The following CLIP4 variants were observed in gnomAD, a reference collection of about 807,000 sequenced individuals.
CLIP4 encodes CAP-Gly domain containing linker protein family member 4, also known as CAP-Gly domain-containing linker protein 4.
CLIP4 carries 47 observed loss-of-function variants against 73.1 expected under a neutral mutation model. The ratio of observed to expected loss-of-function variants is 0.64; its 90% CI spans 0.51 to 0.82. CLIP4 has a LOEUF of 0.82. CLIP4 is among the 40% of genes least tolerant of loss of function. CLIP4 has a pLI of 0.00. For synonymous variants in CLIP4, 306 were observed against 295.4 expected, an observed-to-expected ratio of 1.04 and a Z score of -0.37; for missense variants, 874 against 852.9, an observed-to-expected ratio of 1.02 and a Z score of -0.31.
chr2:29,175,087 T>C (rs1338760996), intron 15 of CLIP4, among the ~76,000 whole-genome samples: 1 of 152,136 alleles, frequency 6.6e-6, no homozygotes, highest in East Asian at 1.9e-4. Context: ...GCTTAGCTGC[T>C]TAGGGAAGTA....
intron 1 of CLIP4, chr2:29,118,278 C>T (rs1664008473): frequency 6.6e-6 from 1 of 152,178 alleles, no homozygotes; most frequent in Non-Finnish European, 1.5e-5. Context: ...CCTGAACCAG[C>T]CTGAAGATGC....
intron 6 of CLIP4, among the ~76,000 whole-genome samples, chr2:29,142,100 G>T (rs1483968106): frequency 3.3e-5 from 5 of 152,114 alleles, no homozygotes; most frequent in Admixed American, 6.5e-5. Flanking sequence ...GAAGAACATA[G>T]ACTATGTGCT....
chr2:29,121,638 A>G (rs1320623113), intron 2 of CLIP4, 117 bp downstream of exon 2: 3 of 1,207,392 alleles, frequency 2.5e-6, no homozygotes, highest in East Asian at 2.5e-5. Context: ...TAAAATTGCT[A>G]AAGTTTTCCT....
chr2:29,172,904 C>T (rs925410353), intron 14 of CLIP4, among the ~76,000 whole-genome samples: 1 of 151,988 alleles, frequency 6.6e-6, no homozygotes. Context: ...AATCTGCTTG[C>T]AAGTTACCAT....
At chr2:29,122,885 C>CTCTTATG (rs1048671691) in intron 2 of CLIP4, among the ~76,000 whole-genome samples, 3 of 146,018 alleles carry the variant, frequency 2.1e-5, no homozygotes, top group African/African-American at 7.6e-5. Context: ...TTTTTGTAGA[C>CTCTTATG]TCTTATGAAC....
rs1217083821 is a variant in CLIP4 at position 29,174,379 on chromosome 2, G to A, written c.1730G>A (p.Arg577Lys). Reference protein sequence around the residue: ...NKQNHSYPGFRRSFSTTSASS... With the variant: ...NKQNHSYPGFKRSFSTTSASS... ...CCCCAACTTTCATATTTAGGTTTTA[G>A]GAGAAGTTTTAGCACAACTTCTGCT... Residue 577 changes from arginine to lysine, a missense_variant, in exon 15 of 16, where the codon AGG becomes AAG. Physicochemically the swap from Arg to Lys is conservative, Grantham distance 26 (BLOSUM62 2). Transcript: ENST00000320081. The A allele has an allele frequency of 6.2e-7, 1 of 1,610,348 alleles. No individual in the cohort carries two copies. Among genetic ancestry groups the A allele is most frequent in the East Asian group, 2.2e-5 (1 of 44,696 alleles).
chr2:29,159,566 G>C (rs1667150897), intron 11 of CLIP4, among the ~76,000 whole-genome samples: 1 of 151,706 alleles, frequency 6.6e-6, no homozygotes, highest in Non-Finnish European at 1.5e-5. Flanking sequence ...ACTACTTTTG[G>C]CTGGTCACAG....
At chr2:29,107,363 T>TTTTG in intron 1 of CLIP4, among the ~76,000 whole-genome samples, 1 of 79,396 alleles carries the variant, frequency 1.3e-5, no homozygotes, top group East Asian at 3.5e-4. Context: ...TGATAGTTTT[T>TTTTG]TTTTTTTTTT....
chr2:29,122,523 TTTTG>T (rs796680958), intron 2 of CLIP4, among the ~76,000 whole-genome samples: 9 of 152,314 alleles, frequency 5.9e-5, no homozygotes, highest in African/African-American at 1.7e-4. Context: ...ATCATTTTAT[TTTTG>T]TTTATCTCAA....
chr2:29,122,903 C>T (rs1004992157), intron 2 of CLIP4, among the ~76,000 whole-genome samples: 4 of 151,740 alleles, frequency 2.6e-5, no homozygotes, highest in South Asian at 4.2e-4. Context: ...AACCTTTCCC[C>T]ACTCACCTCC....
chr2:29,113,566 G>A (rs1228328883), upstream of CLIP4, among the ~76,000 whole-genome samples: 2 of 152,212 alleles, frequency 1.3e-5, no homozygotes, highest in Admixed American at 1.3e-4. This position sits in a 1 kb window ranked among gnomAD's most constrained non-coding sequence, Gnocchi z 4.0. Context: ...AAGTGAGTGG[G>A]AGACTCTGGT....
chr2:29,161,780 T>C (rs1667308332), intron 12 of CLIP4, among the ~76,000 whole-genome samples: 2 of 152,174 alleles, frequency 1.3e-5, no homozygotes, highest in Admixed American at 6.5e-5. Flanking sequence ...CCATTTGCTC[T>C]GGTGGGAGAT....
In CLIP4 at chr2:29,160,463, T is replaced by C. The variant is rs111516293; in HGVS notation, c.1530T>C (p.Ala510=). The C allele has an allele frequency of 1.9e-6, 3 of 1,614,000 alleles. No homozygotes were observed. Among genetic ancestry groups the C allele is most frequent in the Non-Finnish European group, 2.5e-6 (3 of 1,179,950 alleles). ...TIRFFGTTNF[A]PGYWYGIELE... ...GGTTCTTTGGGACAACAAACTTCGC[T>C]CCAGGTAACTCATCTGCATATTTTC... The change falls in exon 12 of 16, where the codon GCT becomes GCC. Residue 510 remains alanine, a synonymous_variant. Transcript: ENST00000320081.
chr2:29,163,914 C>T lies in CLIP4; in HGVS notation c.1618C>T (p.Pro540Ser). 1 of 1,613,408 alleles carries T rather than the reference C, an allele frequency of 6.2e-7. No individual in the cohort carries two copies. The highest frequency in any genetic ancestry group is 8.5e-7 in the Non-Finnish European group (1 of 1,179,526). ...VGGVQYFSCS[P>S]RYGIFAPPSR... Reference sequence around the variant, plus strand: ...AGGTGTGCAGTATTTTAGCTGTTCTCCAAGATATGGAATATTTGCTCCCCC... The same window carrying T: ...AGGTGTGCAGTATTTTAGCTGTTCTTCAAGATATGGAATATTTGCTCCCCC... Residue 540 changes from proline to serine, a missense_variant, in exon 13 of 16, where the codon CCA (proline) becomes TCA (serine). By Grantham distance (74) the Pro-to-Ser change is moderately conservative (BLOSUM62 -1). Transcript: ENST00000320081.
intron 15 of CLIP4, 39 bp downstream of exon 15, chr2:29,174,484 T>A (rs1254368363): frequency 2.5e-6 from 4 of 1,596,384 alleles, no homozygotes; most frequent in East Asian, 2.2e-5. Context: ...CCTTTCAAGA[T>A]GAACATGATG....
intron 1 of CLIP4, among the ~76,000 whole-genome samples, chr2:29,109,499 C>T (rs1310184429): frequency 6.6e-6 from 1 of 152,178 alleles, no homozygotes; most frequent in Non-Finnish European, 1.5e-5. Context: ...ACATTTGTTT[C>T]TTTGTGTTGA....
At chr2:29,102,620 CCTTTT>C (rs1283075845) in intron 1 of CLIP4, among the ~76,000 whole-genome samples, 1 of 151,850 alleles carries the variant, frequency 6.6e-6, no homozygotes, top group East Asian at 1.9e-4. Context: ...CGCATCACTT[CCTTTT>C]CTTTTCTTTT....
At chr2:29,118,517 A>AT (rs34856696) in intron 1 of CLIP4, among the ~76,000 whole-genome samples, 4,110 of 138,912 alleles carry the variant, frequency 0.03, 159 homozygotes, top group African/African-American at 0.088. Flanking sequence ...ATTAGTGCCA[A>AT]TTTTTTTTTT....
At position 29,129,726 on chromosome 2, in the gene CLIP4, G is replaced by A. The variant is rs546302969; in HGVS notation, c.134-1532G>A. The stretch of plus-strand genomic sequence containing the variant: ...AGCTTCTGCATACAAATCAAAGAAT[G>A]CATTCCATTGTCTCCAAAAGGCTTA... On this transcript the variant is annotated intron_variant, in intron 2 of 15. Transcript: ENST00000320081. Among the ~76,000 whole-genome samples the A allele has an allele frequency of 4.6e-5, 7 of 152,132 alleles. No individual in the cohort carries two copies. In the South Asian group the frequency reaches 1.5e-3, roughly 32 times the overall value.
Sources: allele counts gnomAD v4.1 joint callset (sites outside exome capture counted in the v4.1 genomes callset), GRCh38; gene constraint gnomAD v4.1.1; non-coding constraint Gnocchi (gnomAD v3.1); transcripts MANE v1.5; gene names NCBI Gene and HGNC (gene_info 2026-07-23, HGNC 2026-07-21).